Variants in CTNNA2 observed in about 807,000 individuals in gnomAD.
CTNNA2 encodes the protein catenin alpha 2, also known as catenin alpha-2.
A neutral mutation model predicts 101.0 loss-of-function variants in CTNNA2; 42 were observed. The ratio of observed to expected loss-of-function variants is 0.42; its 90% CI spans 0.32 to 0.54. The LOEUF is 0.54. CTNNA2 is among the 20% of genes least tolerant of loss of function. The pLI, the probability that CTNNA2 is intolerant of heterozygous loss-of-function variation, is 0.14. For missense variants in CTNNA2, 871 were observed against 1,223.1 expected (o/e 0.71, Z 4.29); for synonymous variants, 450 against 456.4 (o/e 0.99, Z 0.18).
chr2:80,243,921 C>A (rs1671132693), intron 7 of CTNNA2, among the ~76,000 whole-genome samples: 1 of 152,212 alleles, frequency 6.6e-6, no homozygotes, highest in Admixed American at 6.5e-5. Flanking sequence ...AATTCCTCCA[C>A]ATCCTGGCTG....
chr2:80,472,682 A>T (rs1007549743), intron 9 of CTNNA2, among the ~76,000 whole-genome samples: 3 of 152,102 alleles, frequency 2.0e-5, no homozygotes, highest in African/African-American at 4.8e-5. Flanking sequence ...CCAAGAAAAG[A>T]CTGGGACCCA....
At chr2:80,322,542 C>T (rs1006921864) in intron 7 of CTNNA2, among the ~76,000 whole-genome samples, 2 of 151,628 alleles carry the variant, frequency 1.3e-5, no homozygotes, top group Non-Finnish European at 2.9e-5. Context: ...GCCCCCGGGC[C>T]CTTGCAGCTC....
chr2:80,644,279 A>G (rs1467375522), intron 18 of CTNNA2, among the ~76,000 whole-genome samples: 1 of 152,154 alleles, frequency 6.6e-6, no homozygotes, highest in South Asian at 2.1e-4. Context: ...AAATCACACA[A>G]TTAAAAGGAC....
intron 7 of CTNNA2, among the ~76,000 whole-genome samples, chr2:79,972,256 C>T (rs1009977868): frequency 2.6e-5 from 4 of 152,084 alleles, no homozygotes; most frequent in African/African-American, 7.2e-5. Context: ...ATTTATGCAG[C>T]GCTACAATAA....
chr2:79,723,475 A>G (rs1046425075), intron 2 of CTNNA2, among the ~76,000 whole-genome samples: 3 of 152,210 alleles, frequency 2.0e-5, no homozygotes, highest in Non-Finnish European at 4.4e-5. Context: ...TATGCCACTC[A>G]TCAACCGACT....
intron 18 of CTNNA2, among the ~76,000 whole-genome samples, chr2:80,640,033 C>T (rs903685861): frequency 6.6e-6 from 1 of 151,808 alleles, no homozygotes; most frequent in Non-Finnish European, 1.5e-5. Context: ...ACCCGGTAGG[C>T]GGAGGTTGCA....
intron 7 of CTNNA2, among the ~76,000 whole-genome samples, chr2:80,259,503 C>A (rs1672429825): frequency 6.6e-6 from 1 of 152,192 alleles, no homozygotes; most frequent in Admixed American, 6.5e-5. Context: ...TCCCTCTTCA[C>A]AATGACCTTC....
intron 4 of CTNNA2, among the ~76,000 whole-genome samples, chr2:79,434,006 G>T (rs1011747064): frequency 7.9e-5 from 12 of 152,016 alleles, no homozygotes; most frequent in Non-Finnish European, 1.3e-4. Context: ...AATAAGAGAG[G>T]TTTAAGGCCT....
intron 7 of CTNNA2, among the ~76,000 whole-genome samples, chr2:80,100,673 A>C (rs1256451545): frequency 6.6e-6 from 1 of 152,218 alleles, no homozygotes; most frequent in Non-Finnish European, 1.5e-5. Context: ...CATAGTGCCC[A>C]GCTCAAGGTA....
chr2:79,872,138 TCTG>T (rs1356834602), intron 5 of CTNNA2, among the ~76,000 whole-genome samples: 1 of 152,216 alleles, frequency 6.6e-6, no homozygotes, highest in Non-Finnish European at 1.5e-5. Context: ...CGTATTGTGT[TCTG>T]CTTTTTAATT....
chr2:80,398,866 CA>C (rs200123155), intron 8 of CTNNA2, among the ~76,000 whole-genome samples: 1 of 147,346 alleles, frequency 6.8e-6, no homozygotes, highest in African/African-American at 2.5e-5. Context: ...GACTCTGTCT[CA>C]AAAAAAAAGA....
Position 80,468,111 on chromosome 2 carries a change from T to C in CTNNA2, c.1290+48510T>C, listed in dbSNP as rs572088553. Reference sequence around the variant, plus strand: ...CTTGTGAGGAATTGCTGGAAGAACCTGTGGCCTATTCTTTTGGATATTCTC... The same window carrying C: ...CTTGTGAGGAATTGCTGGAAGAACCCGTGGCCTATTCTTTTGGATATTCTC... On this transcript the variant is annotated intron_variant, in intron 9 of 18. Coordinates refer to ENST00000402739, the MANE Select transcript of CTNNA2 (RefSeq NM_001282597.3). Among the ~76,000 whole-genome samples the C allele has an allele frequency of 5.9e-4, 90 of 152,324 alleles. No homozygotes were observed. In the South Asian group the frequency reaches 0.017, roughly 28 times the overall value.
chr2:80,146,599 A>G (rs186472880), intron 7 of CTNNA2, among the ~76,000 whole-genome samples: 33 of 151,488 alleles, frequency 2.2e-4, no homozygotes, highest in Admixed American at 5.3e-4. Flanking sequence ...ACTTGAGTCT[A>G]GATTTGGACC....
intron 7 of CTNNA2, among the ~76,000 whole-genome samples, chr2:80,096,204 T>C (rs1425253186): frequency 4.6e-5 from 7 of 152,174 alleles, no homozygotes; most frequent in African/African-American, 1.7e-4. Flanking sequence ...GTATGTTGTG[T>C]CTTTGTTCTC....
chr2:79,522,778 G>C (rs953289086), intron 1 of CTNNA2, among the ~76,000 whole-genome samples: 2 of 152,144 alleles, frequency 1.3e-5, no homozygotes, highest in Non-Finnish European at 2.9e-5. Flanking sequence ...CTAGAGTGAA[G>C]GGGAGAGGCT....
chr2:79,967,094 A>T (rs373509641), intron 7 of CTNNA2, among the ~76,000 whole-genome samples: 3 of 139,324 alleles, frequency 2.2e-5, no homozygotes, highest in Non-Finnish European at 3.1e-5. Context: ...GCTCAAGCCT[A>T]TGCGTGCACA....
intron 9 of CTNNA2, among the ~76,000 whole-genome samples, chr2:80,509,327 AG>A (rs1688520484): frequency 6.6e-6 from 1 of 152,198 alleles, no homozygotes; most frequent in South Asian, 2.1e-4. Flanking sequence ...TTACCAGCCA[AG>A]GTTCAGCAAG....
At chr2:80,218,188 C>T (rs1344232407) in intron 7 of CTNNA2, among the ~76,000 whole-genome samples, 3 of 152,200 alleles carry the variant, frequency 2.0e-5, no homozygotes, top group Non-Finnish European at 4.4e-5. Flanking sequence ...TCTTGACTAC[C>T]CATAAGTCTG....
At chr2:80,647,255 C>T (rs958775691) in intron 18 of CTNNA2, among the ~76,000 whole-genome samples, 1 of 151,878 alleles carries the variant, frequency 6.6e-6, no homozygotes, top group Non-Finnish European at 1.5e-5. Context: ...GAGAGGTAAC[C>T]CCTTATAACT....
Sources: gnomAD v4.1 joint callset for allele counts (sites outside exome capture counted in the v4.1 genomes callset) on GRCh38, gnomAD v4.1.1 for gene constraint, MANE v1.5 for transcripts, NCBI Gene and HGNC (gene_info 2026-07-23, HGNC 2026-07-21) for gene names.